Variants in SNX19 observed in about 807,000 individuals in gnomAD.
SNX19 encodes sorting nexin 19, also known as sorting nexin-19.
A neutral mutation model predicts 85.2 loss-of-function variants in SNX19; 60 were observed. That is an observed-to-expected ratio of 0.70 (90% CI 0.57 to 0.87). The LOEUF (loss-of-function observed/expected upper bound fraction) is 0.87, where lower values mean the gene tolerates loss of function less well. Among genes scored for constraint, SNX19 ranks in the 40% least tolerant of loss-of-function variants. The probability of loss-of-function intolerance (pLI) is 0.00; values close to 1 mark genes in which losing one functional copy is unlikely to be tolerated. For missense variants in SNX19, 1,201 were observed against 1,217.8 expected (o/e 0.99, Z 0.21); for synonymous variants, 520 against 470.0 (o/e 1.11, Z -1.38).
chr11:130,879,783 C>T, intron 9 of SNX19, 72 bp from the exon 10 acceptor site: 2 of 1,407,074 alleles, frequency 1.4e-6, no homozygotes, highest in Non-Finnish European at 1.0e-6. Context: ...AGTCTCTCCC[C>T]AGGATCTCTG....
chr11:130,873,183 A>G lies in SNX19; in HGVS notation c.*5239T>C, dbSNP rs537471975. ...CTAACTCACTAGACCGCAGGTCCAC[A>G]AACTGACTCATGGGACAAACCCGGC... is the stretch of plus-strand genomic sequence containing the variant. On this transcript the variant is annotated 3_prime_UTR_variant, in exon 11 of 11. Coordinates refer to ENST00000265909, the MANE Select transcript of SNX19 (RefSeq NM_014758.3). Among the ~76,000 whole-genome samples, 13 of 152,242 alleles carry G rather than the reference A, an allele frequency of 8.5e-5. No individual in the cohort carries two copies. Among genetic ancestry groups the G allele is most frequent in the Admixed American group, 5.2e-4 (8 of 15,278 alleles).
rs374414496 is a variant in SNX19 at position 130,878,409 on chromosome 11, C to T, written c.*13G>A. 2.4e-5 allele frequency: 39 copies of T among 1,611,860 alleles called. No individual in the cohort carries two copies. The African/African-American group carries it at 2.9e-4, about 12-fold the overall frequency. ...CTACTTCCCTGACCTGGGAAGAAGG[C>T]GTGAATAACCAGCTAAGAGGAGACA... On this transcript the variant is annotated 3_prime_UTR_variant, in exon 11 of 11. Transcript: ENST00000265909.
intron 7 of SNX19, among the ~76,000 whole-genome samples, chr11:130,904,713 A>G (rs1479680686): frequency 5.5e-5 from 8 of 144,536 alleles, no homozygotes; most frequent in African/African-American, 2.0e-4. Flanking sequence ...TGTTTTTTAT[A>G]ATCATATGAG....
chr11:130,914,460 G>A lies in SNX19; in HGVS notation c.1480C>T (p.Leu494Phe), dbSNP rs1248141949. The A allele has an allele frequency of 6.2e-7, 1 of 1,613,714 alleles. No individual in the cohort carries two copies. Among genetic ancestry groups the A allele is most frequent in the African/African-American group, 1.3e-5 (1 of 74,936 alleles). ...EKDLTNDVSS[L>F]DPTLPPVLLS... ...AGAACTGGTGGCAGAGTAGGATCAA[G>A]GGAGCTCACATCATTGGTGAGATCC... The change falls in exon 1 of 11, where the codon CTT becomes TTT. Residue 494 changes from leucine to phenylalanine, a missense_variant. Around this residue, in one of 3 missense-constraint regions of SNX19, gnomAD observed 791 missense variants for 750.9 expected, o/e 1.05. Coordinates refer to ENST00000265909, the MANE Select transcript of SNX19 (RefSeq NM_014758.3).
At position 130,915,946 on chromosome 11, in the gene SNX19, A is replaced by G. The variant is rs1366641734; in HGVS notation, c.-7T>C. 1.2e-6 allele frequency: 2 copies of G among 1,611,226 alleles called. No individual in the cohort carries two copies. Among genetic ancestry groups the G allele is most frequent in the Non-Finnish European group, 1.7e-6 (2 of 1,178,252 alleles). On this transcript the variant is annotated 5_prime_UTR_variant, in exon 1 of 11. Transcript: ENST00000265909. ...GCACTGTTTCTGTCTTCATGGCTGA[A>G]CGGACAAGGTGGCTTCCCCAGATGA...
Position 130,906,115 on chromosome 11 carries a change from T to C in SNX19, c.2281A>G (p.Met761Val), listed in dbSNP as rs773018126. 1.9e-6 allele frequency: 3 copies of C among 1,613,832 alleles called. No individual in the cohort carries two copies. The highest frequency in any genetic ancestry group is 1.3e-5 in the African/African-American group (1 of 74,884). Residue 761 changes from methionine (M) to valine (V), a missense_variant, in exon 7 of 11, where the codon ATG (methionine) becomes GTG (valine). This residue lies in a region of SNX19 where 285 missense variants were observed against 295.3 expected (regional missense o/e 0.97). Coordinates refer to ENST00000265909, the MANE Select transcript of SNX19 (RefSeq NM_014758.3). The stretch of plus-strand genomic sequence containing the variant: ...TCAATAAAAGATTCCATCGCAGACA[T>C]GGATAGAGTCTCAGACTCCTAAGAA... ...EGNVESETLS[M>V]SAMESFIEKQ...
rs1209099306 is a variant in SNX19, at chr11:130,874,019, GTTTT to G, written c.*4399_*4402del. 8.2e-6 allele frequency among the ~76,000 whole-genome samples: 1 copy of G among 122,018 alleles called. No individual in the cohort carries two copies. The highest frequency in any genetic ancestry group is 1.8e-5 in the Non-Finnish European group (1 of 54,496). 80.0% of individuals were successfully genotyped at this position (122,018 alleles called of 152,430 possible). ...GGTTCTAGCCAATGAGTCATAAGAG[GTTTT>G]TTGTTTTTTTTTTTTTTATTTGGGG... On this transcript the variant is annotated 3_prime_UTR_variant, in exon 11 of 11. Transcript: ENST00000265909.
chr11:130,900,784 GT>G (rs1244680296), intron 8 of SNX19, among the ~76,000 whole-genome samples: 1 of 151,860 alleles, frequency 6.6e-6, no homozygotes, highest in Non-Finnish European at 1.5e-5. Flanking sequence ...TTCTCATTTT[GT>G]TTTTTTAAAC....
rs16412 is a variant in SNX19 at position 130,876,235 on chromosome 11, T to TCCAG, written c.*2186_*2187insCTGG. ...CACCCTGTCAGCTGGGAGTATCTTT[T>TCCAG]CTACCTGTGGCTCTCTACCAATTGT... On this transcript the variant is annotated 3_prime_UTR_variant, in exon 11 of 11. Coordinates refer to ENST00000265909, the MANE Select transcript of SNX19 (RefSeq NM_014758.3). The TCCAG allele has an allele frequency of 0.44, 66,190 of 151,684 alleles. 14,680 individuals are homozygous for TCCAG. Among genetic ancestry groups the TCCAG allele is most frequent in the South Asian group, 0.56 (2,719 of 4,814 alleles). The allele number at this position is 151,684 out of a possible 1,614,324, so 9.4% of individuals were successfully genotyped here. A position where few individuals can be genotyped will look rare whatever the true frequency, so the allele number is the denominator to read the frequency against.
chr11:130,886,113 T>C (rs1944047469), intron 8 of SNX19, among the ~76,000 whole-genome samples: 2 of 152,310 alleles, frequency 1.3e-5, no homozygotes, highest in Admixed American at 1.3e-4. Context: ...CCAGGGACTT[T>C]TGGATATAAT....
intron 2 of SNX19, 99 bp downstream of exon 2, chr11:130,911,534 G>T (rs778107132): frequency 1.3e-6 from 2 of 1,563,098 alleles, no homozygotes; most frequent in African/African-American, 2.7e-5. Flanking sequence ...ACCTTGAAAC[G>T]GCATTCTCCT....
rs565715894 is a variant in SNX19, at chr11:130,867,550, G to T, written c.*10872C>A. 1 of 152,192 alleles carries T rather than the reference G, an allele frequency of 6.6e-6. No homozygotes were observed. The highest frequency in any genetic ancestry group is 1.5e-5 in the Non-Finnish European group (1 of 68,044). The allele number at this position is 152,192 out of a possible 1,614,324, so 9.4% of individuals were successfully genotyped here. On this transcript the variant is annotated 3_prime_UTR_variant, in exon 11 of 11. Transcript: ENST00000265909. Reference sequence around the variant, plus strand: ...TTTAAAGAGGAAAAATGAAGGATAGGAAGTTTTTATCCTAGAAGCCTAGAG... The same window carrying T: ...TTTAAAGAGGAAAAATGAAGGATAGTAAGTTTTTATCCTAGAAGCCTAGAG...
At chr11:130,888,395 A>G (rs1360824841) in intron 8 of SNX19, among the ~76,000 whole-genome samples, 1 of 152,146 alleles carries the variant, frequency 6.6e-6, no homozygotes, top group Non-Finnish European at 1.5e-5. Context: ...ATTATTTAAT[A>G]CCCTTGGGCT....
intron 8 of SNX19, chr11:130,895,046 A>G (rs1944781554): frequency 1.0e-6 from 1 of 985,282 alleles, no homozygotes; most frequent in South Asian, 4.7e-5. Context: ...CTTGCTTTCC[A>G]TGTGGAAGGA....
Position 130,878,480 on chromosome 11 carries a change from G to A in SNX19, c.2921C>T (p.Ala974Val). 1 of 1,613,974 alleles carries A rather than the reference G, an allele frequency of 6.2e-7. No individual in the cohort carries two copies. Among genetic ancestry groups the A allele is most frequent in the Non-Finnish European group, 8.5e-7 (1 of 1,179,926 alleles). ...DLSASVEESA[A>V]TTSASDTPGN... ...TGGGGTATCTGAGGCAGAGGTGGTA[G>A]CAGCAGACTCCTCAACAGAGGCACT... The change falls in exon 11 of 11, where the codon GCT becomes GTT. Residue 974 changes from alanine (A) to valine (V), a missense_variant. Physicochemically the swap from Ala to Val is moderately conservative, Grantham distance 64. Coordinates refer to ENST00000265909, the MANE Select transcript of SNX19 (RefSeq NM_014758.3).
rs927458382 is a variant in SNX19, at chr11:130,874,033, T to G, written c.*4389A>C. Among the ~76,000 whole-genome samples, 3 of 152,058 alleles carry G rather than the reference T, an allele frequency of 2.0e-5. No individual in the cohort carries two copies. The highest frequency in any genetic ancestry group is 2.1e-4 in the South Asian group (1 of 4,820). ...AGTCATAAGAGGTTTTTTGTTTTTT[T>G]TTTTTTTATTTGGGGTCTCACTCTG... On this transcript the variant is annotated 3_prime_UTR_variant, in exon 11 of 11. Transcript: ENST00000265909.
At position 130,884,718 on chromosome 11, in the gene SNX19, A is replaced by C. The variant is rs557964847; in HGVS notation, c.2574-3912T>G. Among the ~76,000 whole-genome samples, 82 of 151,948 alleles carry C rather than the reference A, an allele frequency of 5.4e-4. 1 individual carries two copies. The highest frequency in any genetic ancestry group is 2.0e-3 in the African/African-American group (81 of 41,436). On this transcript the variant is annotated intron_variant, in intron 8 of 10. Coordinates refer to ENST00000265909, the MANE Select transcript of SNX19 (RefSeq NM_014758.3). ...CTCGTCTCTACTAAAAATACAAAAA[A>C]AATTAGCTGGGCACGGTGGCGCACG...
Position 130,880,640 on chromosome 11 carries a change from G to A in SNX19, c.2740C>T (p.Leu914=). 6.3e-7 allele frequency: 1 copy of A among 1,599,778 alleles called. No homozygotes were observed. The highest frequency in any genetic ancestry group is 8.6e-7 in the Non-Finnish European group (1 of 1,168,594). Residue 914 remains leucine, a synonymous_variant, in exon 9 of 11, where the codon CTG becomes TTG. Coordinates refer to ENST00000265909, the MANE Select transcript of SNX19 (RefSeq NM_014758.3). ...CAATTACCTGGGAGGACTCCCATCA[G>A]GCTCTGCAAAGCCTGTTTCTCAGCA... The part of the protein sequence containing the change: ...LAAEKQALQS[L]MGVLPDLVVE...
chr11:130,868,126 C>A lies in SNX19; in HGVS notation c.*10296G>T, dbSNP rs181575617. 1.3e-5 allele frequency: 2 copies of A among 152,250 alleles called. No homozygotes were observed. Among genetic ancestry groups the A allele is most frequent in the East Asian group, 3.9e-4 (2 of 5,186 alleles). 9.4% of individuals were successfully genotyped at this position (152,250 alleles called of 1,614,324 possible). On this transcript the variant is annotated 3_prime_UTR_variant, in exon 11 of 11. Transcript: ENST00000265909. ...TGAGTCTCAAAGATAGTAAGAATCA[C>A]CTGTTTTCTCGTGGTAAGAAGGTGC... is the stretch of plus-strand genomic sequence containing the variant.
Sources: gnomAD v4.1 joint callset for allele counts (sites outside exome capture counted in the v4.1 genomes callset) on GRCh38, gnomAD v4.1.1 for gene constraint, gnomAD v4.1.1 regional missense constraint, MANE v1.5 for transcripts, NCBI Gene and HGNC (gene_info 2026-07-23, HGNC 2026-07-21) for gene names.